The following ESYT2 variants were observed in gnomAD, a reference collection of about 807,000 sequenced individuals.
The protein encoded by ESYT2 is extended synaptotagmin 2.
Under a neutral mutation model 107.2 loss-of-function variants are expected in ESYT2, and 54 were observed. The ratio of observed to expected loss-of-function variants is 0.50; its 90% CI spans 0.40 to 0.63. The LOEUF (loss-of-function observed/expected upper bound fraction) is 0.63, where lower values mean the gene tolerates loss of function less well. Among genes scored for constraint, ESYT2 ranks in the 30% least tolerant of loss-of-function variants. The pLI, the probability that ESYT2 is intolerant of heterozygous loss-of-function variation, is 0.00. For synonymous variants in ESYT2, 491 were observed against 434.1 expected (o/e 1.13, Z -1.63); for missense variants, 1,020 against 1,094.5 (o/e 0.93, Z 0.96).
At chr7:158,804,456 T>TGCCGAGAAGGGTGAGGCGC (rs1563031744) in intron 1 of ESYT2, among the ~76,000 whole-genome samples, 5 of 84,338 alleles carry the variant, frequency 5.9e-5, no homozygotes, top group Admixed American at 5.3e-4. Context: ...AGGTGAGGTG[T>TGCCGAGAAGGGTGAGGCGC]GTGACAAACC....
chr7:158,779,401 A>G (rs568698814), intron 6 of ESYT2, among the ~76,000 whole-genome samples: 21 of 152,342 alleles, frequency 1.4e-4, no homozygotes, highest in Admixed American at 7.8e-4. Flanking sequence ...CAAGAAAAAA[A>G]GAAGCCAAAC....
rs1451511070 is a variant in ESYT2 at position 158,741,574 on chromosome 7, G to A, written c.2117C>T (p.Ser706Leu). 4 of 1,606,910 alleles carry A rather than the reference G, an allele frequency of 2.5e-6. No homozygotes were observed. Among genetic ancestry groups the A allele is most frequent in the Admixed American group, 1.7e-5 (1 of 59,532 alleles). Reference sequence around the variant, plus strand: ...CAGCTCCTGGGTGGCGATGGGCAGCGAGATGTCCGAGGCGATGCTGGGGGT... The same window carrying A: ...CAGCTCCTGGGTGGCGATGGGCAGCAAGATGTCCGAGGCGATGCTGGGGGT... ...EPTPSIASDI[S>L]LPIATQELRQ... The change falls in exon 18 of 23, where the codon TCG becomes TTG. Residue 706 changes from serine (S) to leucine (L), a missense_variant. Transcript: ENST00000275418.
At chr7:158,829,026 C>A in intron 1 of ESYT2, 63 bp downstream of exon 1, 8 of 1,538,722 alleles carry the variant, frequency 5.2e-6, no homozygotes, top group Non-Finnish European at 6.9e-6. Context: ...GGAGTGCCTG[C>A]CTGGACGAGG....
chr7:158,743,076 C>A (rs1837269021), intron 17 of ESYT2, among the ~76,000 whole-genome samples: 1 of 152,210 alleles, frequency 6.6e-6, no homozygotes, highest in South Asian at 2.1e-4. Flanking sequence ...TAGCTATTTA[C>A]AAATGAATCG....
At chr7:158,761,930 G>A (rs147502317) in intron 10 of ESYT2, among the ~76,000 whole-genome samples, 5 of 152,226 alleles carry the variant, frequency 3.3e-5, no homozygotes, top group Middle Eastern at 3.4e-3. Context: ...CTCTTGGAAC[G>A]TCTTATTTTA....
At chr7:158,743,840 G>T (rs1456957803) in intron 16 of ESYT2, 162 bp from the exon 17 acceptor site, 9 of 715,126 alleles carry the variant, frequency 1.3e-5, no homozygotes, top group Non-Finnish European at 1.9e-5. Flanking sequence ...CAGCACTTTG[G>T]GAGGCTCAGA....
rs1345262795 is a variant in ESYT2, at chr7:158,731,224, T to C, written c.*2983A>G. 1 of 152,244 alleles carries C rather than the reference T, an allele frequency of 6.6e-6. No homozygotes were observed. The highest frequency in any genetic ancestry group is 1.5e-5 in the Non-Finnish European group (1 of 68,048). 9.4% of individuals were successfully genotyped at this position (152,244 alleles called of 1,614,324 possible). A position where few individuals can be genotyped will look rare whatever the true frequency, so the allele number is the denominator to read the frequency against. ...TGCCTGAAAAAGAAGGGCCGACCTCTTGATAAAGAATGTCTGTAAAAGGAA... is the reference window on the plus strand; with the variant it reads ...TGCCTGAAAAAGAAGGGCCGACCTCCTGATAAAGAATGTCTGTAAAAGGAA... On this transcript the variant is annotated 3_prime_UTR_variant, in exon 23 of 23. Coordinates refer to ENST00000275418, the MANE Select transcript of ESYT2 (RefSeq NM_001367773.1).
At chr7:158,795,462 C>T (rs1425725232) in intron 3 of ESYT2, among the ~76,000 whole-genome samples, 1 of 152,164 alleles carries the variant, frequency 6.6e-6, no homozygotes, top group Non-Finnish European at 1.5e-5. Flanking sequence ...TAACTTAGGG[C>T]ATAACAGGCT....
At chr7:158,760,405 C>T (rs1191504370) in intron 11 of ESYT2, among the ~76,000 whole-genome samples, 2 of 152,246 alleles carry the variant, frequency 1.3e-5, no homozygotes, top group South Asian at 2.1e-4. Flanking sequence ...GTGACCCCGA[C>T]AGAAACCCTA....
chr7:158,826,457 C>G (rs572949559), intron 1 of ESYT2, among the ~76,000 whole-genome samples: 87 of 151,542 alleles, frequency 5.7e-4, no homozygotes, highest in South Asian at 8.4e-4. Context: ...CACAGTTCAT[C>G]AGTTTAAGTC....
intron 10 of ESYT2, among the ~76,000 whole-genome samples, chr7:158,762,541 G>A (rs940485022): frequency 6.7e-6 from 1 of 149,092 alleles, no homozygotes; most frequent in African/African-American, 2.5e-5. Flanking sequence ...AAATTAATCA[G>A]AAATAATTGA....
intron 1 of ESYT2, among the ~76,000 whole-genome samples, chr7:158,826,785 C>A (rs1219482986): frequency 2.3e-5 from 3 of 131,530 alleles, no homozygotes; most frequent in Non-Finnish European, 4.7e-5. Flanking sequence ...GGTGCCACTG[C>A]ACTTCAGCCT....
chr7:158,827,565 C>T (rs1348314499), intron 1 of ESYT2: 3 of 152,202 alleles, frequency 2.0e-5, no homozygotes, highest in African/African-American at 7.2e-5. Context: ...AATATGACTC[C>T]CTCATGCTCA....
At chr7:158,745,843 C>A (rs1324664527) in intron 16 of ESYT2, among the ~76,000 whole-genome samples, 5 of 152,092 alleles carry the variant, frequency 3.3e-5, no homozygotes, top group African/African-American at 1.2e-4. Flanking sequence ...GATGTAGCTA[C>A]AGAATTTAAA....
At position 158,808,842 on chromosome 7, in the gene ESYT2, TGGGCACCTGTAGTCCCAGCTACTTGGGAG is replaced by T. The variant is rs768015770; in HGVS notation, c.331-9799_331-9771del. Among the ~76,000 whole-genome samples the T allele has an allele frequency of 8.3e-3, 1,231 of 147,840 alleles. 9 individuals carry two copies. The highest frequency in any genetic ancestry group is 0.015 in the Non-Finnish European group (987 of 67,252). ...AAAAAAAATTAACGAGGTGTGGTGG[TGGGCACCTGTAGTCCCAGCTACTTGGGAG>T]GGGCTGAGCCACGAGAATTGCTTGA... On this transcript the variant is annotated intron_variant, in intron 1 of 22. Transcript: ENST00000275418.
intron 18 of ESYT2, among the ~76,000 whole-genome samples, chr7:158,740,858 C>T (rs1837170172): frequency 6.6e-6 from 1 of 152,148 alleles, no homozygotes; most frequent in African/African-American, 2.4e-5. Context: ...GCCTCCGTTT[C>T]TGTTACTATT....
rs185217012 is a variant in ESYT2 at position 158,770,706 on chromosome 7, A to G, written c.803+2635T>C. ...ATTTTTTTGTATTTTCAGTAGAGAC[A>G]GGGTTTCACTGTGTTAGCCAGGATG... is the stretch of plus-strand genomic sequence containing the variant. On this transcript the variant is annotated intron_variant, in intron 7 of 22. Coordinates refer to ENST00000275418, the MANE Select transcript of ESYT2 (RefSeq NM_001367773.1). Among the ~76,000 whole-genome samples, 15 of 152,074 alleles carry G rather than the reference A, an allele frequency of 9.9e-5. No individual in the cohort carries two copies. In the East Asian group the frequency reaches 2.3e-3, roughly 24 times the overall value.
intron 6 of ESYT2, among the ~76,000 whole-genome samples, chr7:158,781,705 G>A (rs947773859): frequency 5.3e-5 from 8 of 151,870 alleles, no homozygotes; most frequent in Non-Finnish European, 1.0e-4. Flanking sequence ...TCAGAGGTGG[G>A]AGTGTAAGAA....
At chr7:158,756,615 G>A (rs1051250064) in intron 13 of ESYT2, among the ~76,000 whole-genome samples, 4 of 152,000 alleles carry the variant, frequency 2.6e-5, no homozygotes, top group Non-Finnish European at 5.9e-5. Context: ...GTTTGATCAG[G>A]AAGGGATAAT....
Sources: gnomAD v4.1 joint callset for allele counts (sites outside exome capture counted in the v4.1 genomes callset) on GRCh38, gnomAD v4.1.1 for gene constraint, MANE v1.5 for transcripts, NCBI Gene and HGNC (gene_info 2026-07-23, HGNC 2026-07-21) for gene names.